The following GSR variants were observed in gnomAD, a reference collection of about 807,000 sequenced individuals.
GSR encodes glutathione reductase, mitochondrial.
Under a neutral mutation model 56.5 loss-of-function variants are expected in GSR, and 48 were observed. The ratio of observed to expected loss-of-function variants is 0.85; its 90% CI spans 0.67 to 1.08. The LOEUF (loss-of-function observed/expected upper bound fraction) is 1.08, where lower values mean the gene tolerates loss of function less well. Among genes scored for constraint, GSR ranks in the 50% least tolerant of loss-of-function variants. The pLI is 0.00. For missense variants in GSR, 694 were observed against 703.3 expected (o/e 0.99, Z 0.15); for synonymous variants, 264 against 270.8 (o/e 0.97, Z 0.25).
intron 2 of GSR, among the ~76,000 whole-genome samples, chr8:30,710,766 A>T (rs55701624): frequency 0.13 from 19,481 of 145,628 alleles, 1,552 homozygotes; most frequent in African/African-American, 0.17. Flanking sequence ...AAAAGAAAAA[A>T]AAATATATAA....
chr8:30,720,419 C>T (rs748399994), intron 1 of GSR, among the ~76,000 whole-genome samples: 17 of 152,218 alleles, frequency 1.1e-4, no homozygotes, highest in Admixed American at 2.0e-4. Flanking sequence ...CAACTATATA[C>T]TGAGTACTTG....
chr8:30,712,041 A>C, intron 2 of GSR, 21 bp downstream of exon 2: 1 of 1,240,784 alleles, frequency 8.1e-7, no homozygotes, highest in Non-Finnish European at 1.2e-6. Flanking sequence ...TTGTAAAGGG[A>C]AAGAGAAATA....
chr8:30,690,103 T>C (rs1328525554), intron 8 of GSR, among the ~76,000 whole-genome samples: 1 of 143,730 alleles, frequency 7.0e-6, no homozygotes, highest in Non-Finnish European at 1.5e-5. Context: ...ATAAATAAAA[T>C]ATACATATAT....
chr8:30,709,608 G>A (rs542079284), intron 3 of GSR, among the ~76,000 whole-genome samples: 8 of 152,274 alleles, frequency 5.3e-5, no homozygotes, highest in African/African-American at 1.9e-4. Context: ...AAAAGTTCTG[G>A]AAGTGGTAAT....
chr8:30,688,506 G>T (rs570592936), intron 9 of GSR, among the ~76,000 whole-genome samples: 11 of 136,780 alleles, frequency 8.0e-5, no homozygotes, highest in Non-Finnish European at 1.5e-4. Flanking sequence ...TTGACCCCAG[G>T]AATTCAAGAC....
At chr8:30,703,743 G>A (rs1244975500) in intron 4 of GSR, among the ~76,000 whole-genome samples, 3 of 150,406 alleles carry the variant, frequency 2.0e-5, no homozygotes, top group Non-Finnish European at 4.4e-5. Context: ...TGAGGGGGAG[G>A]AGGAGGAGAA....
chr8:30,714,458 C>A (rs1469373171), intron 1 of GSR, among the ~76,000 whole-genome samples: 1 of 151,720 alleles, frequency 6.6e-6, no homozygotes, highest in Non-Finnish European at 1.5e-5. Context: ...GCCTTGGCAT[C>A]CCAAAGTGCT....
intron 1 of GSR, among the ~76,000 whole-genome samples, chr8:30,715,182 A>G (rs1804288873): frequency 6.6e-6 from 1 of 152,148 alleles, no homozygotes; most frequent in African/African-American, 2.4e-5. Context: ...AGTTCCAGCT[A>G]TTCAGGAGGC....
At chr8:30,727,470 GTCCCCCGA>G (rs1804771484) in intron 1 of GSR, 52 bp downstream of exon 1, 2 of 1,439,808 alleles carry the variant, frequency 1.4e-6, no homozygotes, top group South Asian at 2.5e-5. Flanking sequence ...AGCACAGGCT[GTCCCCCGA>G]AAGACCGAGA....
Position 30,678,288 on chromosome 8 carries a change from C to T in GSR, c.*1232G>A, listed in dbSNP as rs902510677. On this transcript the variant is annotated 3_prime_UTR_variant, in exon 13 of 13. Coordinates refer to ENST00000221130, the MANE Select transcript of GSR (RefSeq NM_000637.5). ...TCAAGGAGTGGTTTTCCAGGAGGTT[C>T]CCAGCCTCCTCAAATCTTTCCCAAG... The T allele has an allele frequency of 1.1e-4, 17 of 150,870 alleles. No individual in the cohort carries two copies. The highest frequency in any genetic ancestry group is 6.0e-4 in the Admixed American group (9 of 15,080). 9.3% of individuals were successfully genotyped at this position (150,870 alleles called of 1,614,324 possible).
intron 2 of GSR, 129 bp from the exon 3 acceptor site, chr8:30,710,031 C>G: frequency 1.5e-6 from 1 of 670,706 alleles, no homozygotes; most frequent in Non-Finnish European, 2.6e-6. Flanking sequence ...TAAAAACAAA[C>G]CTAGCTGGGC....
At chr8:30,714,874 A>C (rs1804275182) in intron 1 of GSR, among the ~76,000 whole-genome samples, 1 of 152,064 alleles carries the variant, frequency 6.6e-6, no homozygotes, top group African/African-American at 2.4e-5. Context: ...CACTCACCAA[A>C]ATCCACAGGA....
rs545612295 is a variant in GSR, at chr8:30,708,154, C to A, written c.423-13G>T. The A allele has an allele frequency of 6.3e-7, 1 of 1,595,004 alleles. No homozygotes were observed. The highest frequency in any genetic ancestry group is 8.6e-7 in the Non-Finnish European group (1 of 1,162,800). ...TTCCTTAATAACACTGCAATGAAAC[C>A]CAAGTCAGTATTCAGAAACAGGATC... On this transcript the variant is annotated splice_polypyrimidine_tract_variant and intron_variant, in intron 3 of 12. Transcript: ENST00000221130.
At chr8:30,700,000 C>T (rs1449691876) in intron 6 of GSR, 81 bp downstream of exon 6, 3 of 975,726 alleles carry the variant, frequency 3.1e-6, no homozygotes, top group East Asian at 2.4e-5. Flanking sequence ...ACATTAAATG[C>T]TTGGGAGGAG....
At chr8:30,689,090 C>G in intron 9 of GSR, 71 bp downstream of exon 9, 3 of 1,415,754 alleles carry the variant, frequency 2.1e-6, no homozygotes, top group Non-Finnish European at 3.0e-6. Flanking sequence ...TTTTGGGTGT[C>G]TGGGGGGAAA....
chr8:30,714,305 G>A (rs960987893), intron 1 of GSR, among the ~76,000 whole-genome samples: 6 of 145,060 alleles, frequency 4.1e-5, no homozygotes, highest in South Asian at 2.1e-4. Flanking sequence ...TCCGCTCCCC[G>A]GGATCAAACA....
At chr8:30,701,220 C>T (rs191210732) in intron 5 of GSR, among the ~76,000 whole-genome samples, 22 of 152,186 alleles carry the variant, frequency 1.4e-4, no homozygotes, top group Non-Finnish European at 2.8e-4. Flanking sequence ...AATCCCAGCA[C>T]TTTGGGAGAC....
At position 30,723,817 on chromosome 8, in the gene GSR, CA is replaced by C. The variant is rs1310341086; in HGVS notation, c.306+3712del. Among the ~76,000 whole-genome samples, 47 of 19,432 alleles carry C rather than the reference CA, an allele frequency of 2.4e-3. No homozygotes were observed. The Non-Finnish European group carries it at 0.1, about 42-fold the overall frequency. The allele number at this position is 19,432 out of a possible 152,430, so 12.7% of individuals were successfully genotyped here. A position where few individuals can be genotyped will look rare whatever the true frequency, so the allele number is the denominator to read the frequency against. ...ACACACACACACACACACACACACA[CA>C]CCCAGGTCTGCTGGGACCTAGTACA... On this transcript the variant is annotated intron_variant, in intron 1 of 12. Coordinates refer to ENST00000221130, the MANE Select transcript of GSR (RefSeq NM_000637.5).
chr8:30,716,410 C>T (rs1804334978), intron 1 of GSR, among the ~76,000 whole-genome samples: 1 of 152,228 alleles, frequency 6.6e-6, no homozygotes. Context: ...CCTATTTTGC[C>T]AGCTCCTGTG....
Sources: allele counts gnomAD v4.1 joint callset (sites outside exome capture counted in the v4.1 genomes callset), GRCh38; gene constraint gnomAD v4.1.1; transcripts MANE v1.5; gene names NCBI Gene and HGNC (gene_info 2026-07-23, HGNC 2026-07-21).